The following ZFYVE16 variants were observed in gnomAD, a reference collection of about 807,000 sequenced individuals.
The protein encoded by ZFYVE16 is zinc finger FYVE domain-containing protein 16.
Under a neutral mutation model 138.1 loss-of-function variants are expected in ZFYVE16, and 89 were observed. The observed-to-expected ratio is 0.64, with a 90% CI of 0.54 to 0.77. ZFYVE16 has a LOEUF of 0.77. ZFYVE16 is among the 30% of genes least tolerant of loss of function. ZFYVE16 has a pLI of 0.00. For missense variants in ZFYVE16, 1,793 were observed against 1,786.7 expected (o/e 1.00, Z -0.06); for synonymous variants, 596 against 618.3 (o/e 0.96, Z 0.53).
rs201351696 is a variant in ZFYVE16, at chr5:80,462,361, A to G, written c.4024+2867A>G. Among the ~76,000 whole-genome samples the G allele has an allele frequency of 1.2e-4, 18 of 152,316 alleles. 2 individuals are homozygous for G. The East Asian group carries it at 2.9e-3, about 25-fold the overall frequency. The stretch of plus-strand genomic sequence containing the variant: ...AAGCAAGGCACCTTCTTCACAAGGC[A>G]GCAGGAAGGAGAAGTGCTGAGTTAA... On this transcript the variant is annotated intron_variant, in intron 15 of 18. Transcript: ENST00000505560.
Position 80,438,505 on chromosome 5 carries a change from A to T in ZFYVE16, c.1820A>T (p.Asn607Ile), listed in dbSNP as rs1310513521. ...GTTGATAAACAAAATACAATAGAAAATGGCCTTTCTTTAGGAGAAAAAAGC... is the reference window on the plus strand; with the variant it reads ...GTTGATAAACAAAATACAATAGAAATTGGCCTTTCTTTAGGAGAAAAAAGC... ...EIVDKQNTIENGLSLGEKSTI... is the reference protein window; with the variant it reads ...EIVDKQNTIEIGLSLGEKSTI... The change falls in exon 4 of 19, where the codon AAT becomes ATT. Residue 607 changes from asparagine (N) to isoleucine (I), a missense_variant. Physicochemically the swap from Asn to Ile is moderately radical, Grantham distance 149. Around this residue, in one of 2 missense-constraint regions of ZFYVE16, gnomAD observed 1,295 missense variants for 1,204.3 expected, o/e 1.08. Coordinates refer to ENST00000505560, the MANE Select transcript of ZFYVE16 (RefSeq NM_001284236.3). 6.2e-7 allele frequency: 1 copy of T among 1,613,592 alleles called. No individual in the cohort carries two copies. Among genetic ancestry groups the T allele is most frequent in the Non-Finnish European group, 8.5e-7 (1 of 1,179,832 alleles).
intron 12 of ZFYVE16, 67 bp downstream of exon 12, chr5:80,455,841 T>G (rs1350849614): frequency 7.7e-7 from 1 of 1,292,122 alleles, no homozygotes; most frequent in African/African-American, 1.6e-5. Context: ...TTAGCAAAGT[T>G]TATACATTTA....
intron 1 of ZFYVE16, among the ~76,000 whole-genome samples, chr5:80,424,362 C>T (rs550980696): frequency 6.6e-6 from 1 of 152,130 alleles, no homozygotes; most frequent in East Asian, 1.9e-4. Flanking sequence ...TTTATGGCTT[C>T]CTGTTCCTGT....
chr5:80,409,189 C>T (rs1745079208), intron 1 of ZFYVE16, among the ~76,000 whole-genome samples: 1 of 152,072 alleles, frequency 6.6e-6, no homozygotes, highest in Non-Finnish European at 1.5e-5. Context: ...GTTGGATTGT[C>T]TGCTTTCCTT....
rs776478602 is a variant in ZFYVE16, at chr5:80,455,768, A to G, written c.3684A>G (p.Leu1228=). ...FGEIGHTIMN[L]LVDLRNYQYT... The stretch of plus-strand genomic sequence containing the variant: ...AAATAGGACACACTATTATGAACTT[A>G]CTTGTTGTGAGTAATTGAACTATTT... The change falls in exon 12 of 19, where the codon TTA becomes TTG. Residue 1228 remains leucine (L), a synonymous_variant. Coordinates refer to ENST00000505560, the MANE Select transcript of ZFYVE16 (RefSeq NM_001284236.3). 1.5e-5 allele frequency: 23 copies of G among 1,573,520 alleles called. No homozygotes were observed. Among genetic ancestry groups the G allele is most frequent in the Non-Finnish European group, 2.0e-5 (23 of 1,168,766 alleles).
chr5:80,409,754 TAC>T (rs970633963), intron 1 of ZFYVE16: 13 of 152,330 alleles, frequency 8.5e-5, no homozygotes, highest in African/African-American at 2.9e-4. Flanking sequence ...GCGAGGATCT[TAC>T]AAGCCTGCTG....
At chr5:80,418,156 T>C (rs1746529352) in intron 1 of ZFYVE16, among the ~76,000 whole-genome samples, 2 of 152,132 alleles carry the variant, frequency 1.3e-5, no homozygotes, top group Non-Finnish European at 1.5e-5. Context: ...CTTTTCCTTT[T>C]CTTTCACTTT....
chr5:80,475,693 G>A (rs116535958), intron 18 of ZFYVE16, among the ~76,000 whole-genome samples: 4,341 of 151,606 alleles, frequency 0.029, 73 homozygotes, highest in South Asian at 0.047. Flanking sequence ...TTTTAACAGC[G>A]GCATAGTAGT....
At chr5:80,443,335 A>C (rs1750928905) in intron 6 of ZFYVE16, 51 bp downstream of exon 6, 1 of 1,565,970 alleles carries the variant, frequency 6.4e-7, no homozygotes, top group Admixed American at 2.1e-5. Context: ...TTGAAATAGA[A>C]ATTCTCTAAT....
At chr5:80,429,270 T>A (rs769433624) in intron 2 of ZFYVE16, among the ~76,000 whole-genome samples, 5 of 152,222 alleles carry the variant, frequency 3.3e-5, no homozygotes, top group Non-Finnish European at 5.9e-5. Flanking sequence ...GCAGAAACTC[T>A]ACAAGCCAGG....
chr5:80,436,580 A>C (rs1749940472), intron 3 of ZFYVE16, among the ~76,000 whole-genome samples, 176 bp from the exon 4 acceptor site: 1 of 152,266 alleles, frequency 6.6e-6, no homozygotes, highest in Admixed American at 6.5e-5. Context: ...TCAGATAAAA[A>C]TAAATGCTCT....
At chr5:80,476,078 G>A (rs1287166819) in intron 18 of ZFYVE16, among the ~76,000 whole-genome samples, 1 of 151,954 alleles carries the variant, frequency 6.6e-6, no homozygotes, top group Non-Finnish European at 1.5e-5. Context: ...CGAGTAGCTG[G>A]GACTACAGGC....
rs1750910191 is a variant in ZFYVE16 at position 80,443,180 on chromosome 5, C to G, written c.2477C>G (p.Ser826Cys). 2.5e-6 allele frequency: 4 copies of G among 1,602,744 alleles called. No individual in the cohort carries two copies. Among genetic ancestry groups the G allele is most frequent in the African/African-American group, 1.3e-5 (1 of 74,104 alleles). ...GGTTCTAATCTTAAGTCTAATCATT[C>G]TGATGAATGTACTACTGTCCAGCCT... ...PTGSNLKSNH[S>C]DECTTVQPPQ... Residue 826 changes from serine (S) to cysteine (C), a missense_variant, in exon 6 of 19, where the codon TCT (serine) becomes TGT (cysteine). Ser to Cys is a moderately radical substitution (Grantham distance 112). Around this residue, in one of 2 missense-constraint regions of ZFYVE16, gnomAD observed 1,295 missense variants for 1,204.3 expected, o/e 1.08. Transcript: ENST00000505560.
chr5:80,421,726 C>T (rs539698019), intron 1 of ZFYVE16, among the ~76,000 whole-genome samples: 26 of 152,204 alleles, frequency 1.7e-4, no homozygotes, highest in African/African-American at 4.8e-4. Flanking sequence ...AGTCAGGTAG[C>T]GTGATGCCTC....
intron 1 of ZFYVE16, 28 bp downstream of exon 1, chr5:80,408,181 C>G (rs762459982): frequency 5.3e-5 from 8 of 152,356 alleles, no homozygotes; most frequent in Non-Finnish European, 1.0e-4. Context: ...CCGGTCGTCT[C>G]GGCCTCCCCT....
In ZFYVE16 at chr5:80,481,364, T is replaced by TA. The variant is rs1561352551; in HGVS notation, c.*3991dup. Among the ~76,000 whole-genome samples the TA allele has an allele frequency of 6.6e-6, 1 of 152,116 alleles. No individual in the cohort carries two copies. The highest frequency in any genetic ancestry group is 1.5e-5 in the Non-Finnish European group (1 of 68,014). ...GAAAAGGAACCCTTAAATCTGTCAA[T>TA]AAAATCCTGGGATCATCTCACAAGC... On this transcript the variant is annotated 3_prime_UTR_variant, in exon 19 of 19. Transcript: ENST00000505560.
chr5:80,450,421 A>T lies in ZFYVE16; in HGVS notation c.3227-10A>T. 1 of 1,611,184 alleles carries T rather than the reference A, an allele frequency of 6.2e-7. No homozygotes were observed. Among genetic ancestry groups the T allele is most frequent in the Non-Finnish European group, 8.5e-7 (1 of 1,178,096 alleles). On this transcript the variant is annotated splice_polypyrimidine_tract_variant and intron_variant, in intron 9 of 18. Coordinates refer to ENST00000505560, the MANE Select transcript of ZFYVE16 (RefSeq NM_001284236.3). ...TTGACATTAATAGTTATATTCTTTT[A>T]TCATCTAAGATTCCTCAGACAAATA...
At position 80,437,960 on chromosome 5, in the gene ZFYVE16, G is replaced by A; in HGVS notation, c.1275G>A (p.Gly425=). The part of the protein sequence containing the change: ...EEIQNSVVLG[G]EPFKENDLLK... ...TACAGAACAGTGTTGTTCTAGGTGG[G>A]GAACCATTCAAAGAGAATGATCTTT... is the stretch of plus-strand genomic sequence containing the variant. The change falls in exon 4 of 19, where the codon GGG becomes GGA. Residue 425 remains glycine (G), a synonymous_variant. Transcript: ENST00000505560. 1.9e-6 allele frequency: 3 copies of A among 1,613,840 alleles called. No homozygotes were observed. The highest frequency in any genetic ancestry group is 2.5e-6 in the Non-Finnish European group (3 of 1,179,926).
chr5:80,439,151 A>G (rs1237348087), intron 4 of ZFYVE16, 144 bp downstream of exon 4: 5 of 906,972 alleles, frequency 5.5e-6, no homozygotes, highest in East Asian at 5.3e-5. Context: ...TCAGGGAAAT[A>G]TATAAAGCAG....
Sources: allele counts gnomAD v4.1 joint callset (sites outside exome capture counted in the v4.1 genomes callset), GRCh38; gene constraint gnomAD v4.1.1; regional missense constraint gnomAD v4.1.1; transcripts MANE v1.5; gene names NCBI Gene and HGNC (gene_info 2026-07-23, HGNC 2026-07-21).